The following KDM2B variants were observed in gnomAD, a reference collection of about 807,000 sequenced individuals.
KDM2B encodes the protein lysine-specific demethylase 2B.
In KDM2B, 26 loss-of-function variants were observed where a neutral mutation model predicts 150.0. The ratio of observed to expected loss-of-function variants is 0.17; its 90% CI spans 0.13 to 0.24. KDM2B has a LOEUF of 0.24. KDM2B is among the 10% of genes least tolerant of loss of function. The probability of loss-of-function intolerance (pLI) is 1.00; values close to 1 mark genes in which losing one functional copy is unlikely to be tolerated. For missense variants in KDM2B, 1,265 were observed against 1,816.9 expected, an observed-to-expected ratio of 0.70 and a Z score of 5.52; for synonymous variants, 734 against 729.5, an observed-to-expected ratio of 1.01 and a Z score of -0.10.
intron 22 of KDM2B, among the ~76,000 whole-genome samples, chr12:121,437,000 C>T (rs1874114805): frequency 6.6e-6 from 1 of 152,142 alleles, no homozygotes; most frequent in African/African-American, 2.4e-5. Context: ...TTCAGACACA[C>T]AGGGTCTAGA....
chr12:121,463,575 A>G (rs1879408363), intron 12 of KDM2B, among the ~76,000 whole-genome samples: 1 of 152,076 alleles, frequency 6.6e-6, no homozygotes, highest in African/African-American at 2.4e-5. Flanking sequence ...AGCCATTTTT[A>G]TTTTTATTTA....
At chr12:121,465,215 GTTTGTT>G (rs534134600) in intron 12 of KDM2B, among the ~76,000 whole-genome samples, 162 of 152,150 alleles carry the variant, frequency 1.1e-3, no homozygotes, top group Admixed American at 2.3e-3. Context: ...ATACAGGTTT[GTTTGTT>G]TTTGTTTTTG....
intron 4 of KDM2B, among the ~76,000 whole-genome samples, chr12:121,565,200 T>C (rs189889173): frequency 2.0e-5 from 3 of 151,700 alleles, no homozygotes; most frequent in Admixed American, 2.0e-4. Flanking sequence ...ATCATAAAGC[T>C]AGTTAAGACA....
the KDM2B span, chr12:121,417,446 ACT>A: frequency 6.9e-7 from 1 of 1,455,190 alleles, no homozygotes. The surrounding 1 kb of genome is among the most constrained non-coding windows in gnomAD (Gnocchi z 5.0). Flanking sequence ...CAGAAAGAAA[ACT>A]CATGCTTTCA....
At chr12:121,532,370 G>A (rs1399259320) in intron 8 of KDM2B, among the ~76,000 whole-genome samples, 1 of 152,170 alleles carries the variant, frequency 6.6e-6, no homozygotes, top group Admixed American at 6.5e-5. Context: ...TGACCACCCT[G>A]GGGAAATCTT....
intron 22 of KDM2B, among the ~76,000 whole-genome samples, chr12:121,434,285 C>T (rs1873577826): frequency 6.6e-6 from 1 of 152,124 alleles, no homozygotes; most frequent in South Asian, 2.1e-4. Flanking sequence ...CCTATAATCC[C>T]AGCACTTTGG....
At chr12:121,501,032 C>A (rs893737107) in intron 11 of KDM2B, among the ~76,000 whole-genome samples, 1 of 151,706 alleles carries the variant, frequency 6.6e-6, no homozygotes, top group African/African-American at 2.4e-5. Context: ...ACCCAGGAGG[C>A]GGGGGTTGTG....
At chr12:121,501,827 T>C (rs1884591739) in intron 11 of KDM2B, among the ~76,000 whole-genome samples, 1 of 152,234 alleles carries the variant, frequency 6.6e-6, no homozygotes, top group South Asian at 2.1e-4. Context: ...TTCACTATGT[T>C]GGCCAGGCTG....
chr12:121,545,028 C>T (rs1888914600), intron 6 of KDM2B, among the ~76,000 whole-genome samples: 1 of 152,180 alleles, frequency 6.6e-6, no homozygotes, highest in Non-Finnish European at 1.5e-5. Flanking sequence ...CTACTGCAGT[C>T]CTTCCCTCAG....
the KDM2B span, chr12:121,417,847 T>C: frequency 1.2e-6 from 2 of 1,614,202 alleles, no homozygotes; most frequent in Non-Finnish European, 1.7e-6. The surrounding 1 kb of genome is among the most constrained non-coding windows in gnomAD (Gnocchi z 5.0). Flanking sequence ...TCTGCTACTA[T>C]GTCTTCGTTT....
At chr12:121,498,441 C>G (rs1188678737) in intron 11 of KDM2B, among the ~76,000 whole-genome samples, 1 of 152,176 alleles carries the variant, frequency 6.6e-6, no homozygotes, top group Admixed American at 6.5e-5. Flanking sequence ...AAAAGCCCAC[C>G]AGATCTTTAA....
At chr12:121,523,952 C>A (rs1419447057) in intron 8 of KDM2B, among the ~76,000 whole-genome samples, 2 of 152,188 alleles carry the variant, frequency 1.3e-5, no homozygotes, top group African/African-American at 4.8e-5. Flanking sequence ...TCCACATCCG[C>A]TTCAGTCTCC....
chr12:121,503,935 G>A (rs368346463), intron 11 of KDM2B, among the ~76,000 whole-genome samples: 7 of 152,320 alleles, frequency 4.6e-5, no homozygotes, highest in South Asian at 2.1e-4. Context: ...ACAGAAAGGC[G>A]GACTGGCTTG....
chr12:121,477,609 C>T (rs1186913112), intron 12 of KDM2B, among the ~76,000 whole-genome samples: 4 of 131,990 alleles, frequency 3.0e-5, no homozygotes, highest in Non-Finnish European at 6.3e-5. Context: ...TGGAGTTTTG[C>T]TCTTGTCACT....
chr12:121,552,085 C>T (rs1435793645), intron 4 of KDM2B, among the ~76,000 whole-genome samples: 3 of 152,196 alleles, frequency 2.0e-5, no homozygotes, highest in Admixed American at 2.0e-4. Flanking sequence ...CCAGAGTAGA[C>T]TCTTACTACC....
At position 121,473,878 on chromosome 12, in the gene KDM2B, G is replaced by A. The variant is rs115175573; in HGVS notation, c.1735-20534C>T. On this transcript the variant is annotated intron_variant, in intron 12 of 22. Transcript: ENST00000377071. ...TAAACAAAACACGGTCTATCCCTACGATGGAATTATGATTCAGCCATAAAA... is the reference window on the plus strand; with the variant it reads ...TAAACAAAACACGGTCTATCCCTACAATGGAATTATGATTCAGCCATAAAA... Among the ~76,000 whole-genome samples, 1,063 of 152,260 alleles carry A rather than the reference G, an allele frequency of 7.0e-3. 11 individuals carry two copies. Among genetic ancestry groups the A allele is most frequent in the African/African-American group, 0.024 (1,018 of 41,552 alleles).
At chr12:121,572,112 C>T (rs181252497) in intron 4 of KDM2B, among the ~76,000 whole-genome samples, 3 of 152,142 alleles carry the variant, frequency 2.0e-5, no homozygotes, top group East Asian at 1.9e-4. Context: ...GTGGGCGGAT[C>T]GCTTAGGCCC....
downstream of KDM2B, among the ~76,000 whole-genome samples, chr12:121,427,311 GCAGAT>G (rs1555284382): frequency 6.6e-6 from 1 of 152,202 alleles, no homozygotes; most frequent in African/African-American, 2.4e-5. Flanking sequence ...GCTGAGACCA[GCAGAT>G]CACCTGAGGT....
intron 4 of KDM2B, among the ~76,000 whole-genome samples, chr12:121,572,970 C>T (rs1017917613): frequency 2.0e-4 from 31 of 151,702 alleles, no homozygotes; most frequent in African/African-American, 7.3e-4. Flanking sequence ...GGACTACAGG[C>T]GCCTGCCACT....
Sources: gnomAD v4.1 joint callset for allele counts (sites outside exome capture counted in the v4.1 genomes callset) on GRCh38, gnomAD v4.1.1 for gene constraint, Gnocchi (gnomAD v3.1) non-coding constraint, MANE v1.5 for transcripts, NCBI Gene and HGNC (gene_info 2026-07-23, HGNC 2026-07-21) for gene names.